The following CHCHD6 variants were observed in gnomAD, a reference collection of about 807,000 sequenced individuals.
CHCHD6 encodes the protein coiled-coil-helix-coiled-coil-helix domain containing 6.
A neutral mutation model predicts 32.3 loss-of-function variants in CHCHD6; 28 were observed. That is an observed-to-expected ratio of 0.87 (90% CI 0.64 to 1.19). The LOEUF is 1.19. Among genes scored for constraint, CHCHD6 ranks in the 50% most tolerant of loss-of-function variants. CHCHD6 has a pLI of 0.00. For missense variants in CHCHD6, 333 were observed against 307.0 expected (o/e 1.08, Z -0.63); for synonymous variants, 122 against 117.5 (o/e 1.04, Z -0.25).
In CHCHD6 at chr3:126,704,362, A is replaced by G. The variant is rs1447746488; in HGVS notation, c.50A>G (p.Asp17Gly). ...SEGRRVSFGV[D>G]EEERVRVLQG... is the part of the protein sequence containing the mutation. ...GGCCGCAGGGTGTCCTTCGGAGTGGACGAGGAGGAGCGGGTCCGGGTGCTG... is the reference window on the plus strand; with the variant it reads ...GGCCGCAGGGTGTCCTTCGGAGTGGGCGAGGAGGAGCGGGTCCGGGTGCTG... Residue 17 changes from aspartate to glycine, a missense_variant, in exon 1 of 8, where the codon GAC (aspartate) becomes GGC (glycine). By Grantham distance (94) the Asp-to-Gly change is moderately conservative. Transcript: ENST00000290913. 3.8e-6 allele frequency: 6 copies of G among 1,589,612 alleles called. No individual in the cohort carries two copies. Among genetic ancestry groups the G allele is most frequent in the Non-Finnish European group, 5.1e-6 (6 of 1,169,386 alleles).
intron 4 of CHCHD6, among the ~76,000 whole-genome samples, chr3:126,800,549 G>A (rs1266885023): frequency 6.6e-6 from 1 of 152,186 alleles, no homozygotes; most frequent in Non-Finnish European, 1.5e-5. Flanking sequence ...GTTGAAGTCT[G>A]TGTGAGACAC....
At chr3:126,868,638 A>T (rs1255800344) in intron 5 of CHCHD6, among the ~76,000 whole-genome samples, 1 of 152,152 alleles carries the variant, frequency 6.6e-6, no homozygotes, top group Non-Finnish European at 1.5e-5. Flanking sequence ...TTGTAATGTT[A>T]TAATATTTGC....
At chr3:126,723,464 C>T (rs542179063) in intron 1 of CHCHD6, among the ~76,000 whole-genome samples, 2 of 152,142 alleles carry the variant, frequency 1.3e-5, no homozygotes, top group East Asian at 1.9e-4. Context: ...TTCACACTTG[C>T]GGATATGTGT....
chr3:126,917,360 GT>G (rs2078186740), intron 6 of CHCHD6, among the ~76,000 whole-genome samples: 1 of 152,162 alleles, frequency 6.6e-6, no homozygotes. Context: ...TCCTTTGTTT[GT>G]CTTTGCATCA....
intron 6 of CHCHD6, among the ~76,000 whole-genome samples, chr3:126,950,325 C>T (rs1233055265): frequency 6.6e-6 from 1 of 151,860 alleles, no homozygotes; most frequent in African/African-American, 2.4e-5. Flanking sequence ...AGGAGCTTGT[C>T]CTACAAGAAG....
chr3:126,936,933 T>C (rs1272690190), intron 6 of CHCHD6, among the ~76,000 whole-genome samples: 1 of 152,328 alleles, frequency 6.6e-6, no homozygotes, highest in African/African-American at 2.4e-5. Flanking sequence ...TGGACAGAAC[T>C]ATTGGTCCCT....
chr3:126,721,237 A>G (rs1256532484), intron 1 of CHCHD6, among the ~76,000 whole-genome samples: 1 of 151,990 alleles, frequency 6.6e-6, no homozygotes, highest in Admixed American at 6.6e-5. Flanking sequence ...CCTTTGCCTG[A>G]CTTCCAAGCT....
chr3:126,727,138 T>C lies in CHCHD6; in HGVS notation c.148T>C (p.Ser50Pro). Residue 50 changes from serine (S) to proline (P), a missense_variant, in exon 2 of 8, where the codon TCT becomes CCT. By Grantham distance (74) the Ser-to-Pro change is moderately conservative. Coordinates refer to ENST00000290913, the MANE Select transcript of CHCHD6 (RefSeq NM_032343.3). ...EPSSPPPAPT[S>P]STFGLQDGNL... ...CAGCTCTCCACCCCCTGCTCCCACA[T>C]CTTCTACCTTTGGCCTTCAAGATGG... The C allele has an allele frequency of 6.2e-7, 1 of 1,614,088 alleles. No individual in the cohort carries two copies. The highest frequency in any genetic ancestry group is 8.5e-7 in the Non-Finnish European group (1 of 1,179,974).
chr3:126,896,426 C>G (rs891428076), intron 5 of CHCHD6, among the ~76,000 whole-genome samples: 2 of 152,158 alleles, frequency 1.3e-5, no homozygotes, highest in Non-Finnish European at 1.5e-5. Context: ...CAGCTCCTGG[C>G]CAGGTCTCTG....
chr3:126,937,342 A>G (rs796713112), intron 6 of CHCHD6, among the ~76,000 whole-genome samples: 1 of 152,232 alleles, frequency 6.6e-6, no homozygotes, highest in South Asian at 2.1e-4. Flanking sequence ...ACCAGGAAGA[A>G]GCAGCCTGGG....
At chr3:126,823,147 G>A (rs1486545548) in intron 4 of CHCHD6, among the ~76,000 whole-genome samples, 4 of 152,118 alleles carry the variant, frequency 2.6e-5, no homozygotes. Flanking sequence ...AGACTCCTGG[G>A]CTCAAGTAAT....
rs146718544 is a variant in CHCHD6 at position 126,889,857 on chromosome 3, C to T, written c.496-24823C>T. ...CTGGTCTGCAGTCTCTGACCAGGTCCGCAGAAAGCGTTCCAGCAGGGAGAT... is the reference window on the plus strand; with the variant it reads ...CTGGTCTGCAGTCTCTGACCAGGTCTGCAGAAAGCGTTCCAGCAGGGAGAT... On this transcript the variant is annotated intron_variant, in intron 5 of 7. Coordinates refer to ENST00000290913, the MANE Select transcript of CHCHD6 (RefSeq NM_032343.3). Among the ~76,000 whole-genome samples the T allele has an allele frequency of 7.7e-3, 1,169 of 152,358 alleles. 13 individuals are homozygous for T. Among genetic ancestry groups the T allele is most frequent in the Non-Finnish European group, 0.01 (714 of 68,044 alleles).
chr3:126,793,056 A>G (rs1396462329), intron 4 of CHCHD6, among the ~76,000 whole-genome samples: 2 of 152,092 alleles, frequency 1.3e-5, no homozygotes, highest in African/African-American at 4.8e-5. Context: ...AATATGGCCC[A>G]TCCAGCTTTC....
chr3:126,731,707 T>C (rs1559810059), intron 3 of CHCHD6, among the ~76,000 whole-genome samples: 1 of 152,162 alleles, frequency 6.6e-6, no homozygotes, highest in Non-Finnish European at 1.5e-5. Context: ...AGTTCAGCCA[T>C]GTTGGGTCTG....
At chr3:126,906,075 G>A (rs982024808) in intron 5 of CHCHD6, among the ~76,000 whole-genome samples, 1 of 152,182 alleles carries the variant, frequency 6.6e-6, no homozygotes, top group African/African-American at 2.4e-5. Flanking sequence ...TCAGATCTGA[G>A]TCTTAGACTC....
intron 3 of CHCHD6, 97 bp downstream of exon 3, chr3:126,730,727 TTTGTCTCACATAATTAATC>T: frequency 1.0e-6 from 1 of 954,434 alleles, no homozygotes; most frequent in African/African-American, 1.6e-5. Flanking sequence ...CCCTGGAGGC[TTTGTCTCACATAATTAATC>T]TCAGTTGCAT....
chr3:126,884,126 C>G (rs2077648407), intron 5 of CHCHD6, among the ~76,000 whole-genome samples: 1 of 152,194 alleles, frequency 6.6e-6, no homozygotes, highest in African/African-American at 2.4e-5. Context: ...TTGACTGGGA[C>G]ACAGCTGGAT....
At chr3:126,878,197 A>G (rs896229086) in intron 5 of CHCHD6, among the ~76,000 whole-genome samples, 5 of 152,332 alleles carry the variant, frequency 3.3e-5, no homozygotes, top group South Asian at 2.1e-4. Context: ...AAAGAAGTCT[A>G]TTTTTCCCAG....
At chr3:126,950,054 G>A (rs1230093862) in intron 6 of CHCHD6, among the ~76,000 whole-genome samples, 1 of 152,078 alleles carries the variant, frequency 6.6e-6, no homozygotes, top group Non-Finnish European at 1.5e-5. Flanking sequence ...TGAATGGGAA[G>A]GAAGACTGCA....
Sources: allele counts gnomAD v4.1 joint callset (sites outside exome capture counted in the v4.1 genomes callset), GRCh38; gene constraint gnomAD v4.1.1; transcripts MANE v1.5; gene names NCBI Gene and HGNC (gene_info 2026-07-23, HGNC 2026-07-21).